Variants in BNC2 observed in about 807,000 individuals in gnomAD.
BNC2 encodes the protein zinc finger protein basonuclin-2.
BNC2 carries 20 observed loss-of-function variants against 76.3 expected under a neutral mutation model. The ratio of observed to expected loss-of-function variants is 0.26; its 90% CI spans 0.18 to 0.38. BNC2 has a LOEUF of 0.38. BNC2 is among the 10% of genes least tolerant of loss of function. BNC2 has a pLI of 1.00. For missense variants in BNC2, 1,382 were observed against 1,399.8 expected (o/e 0.99, Z 0.20); for synonymous variants, 582 against 514.8 (o/e 1.13, Z -1.77).
In BNC2 at chr9:16,411,409, A is replaced by T. The variant is rs567234877; in HGVS notation, c.*7580T>A. ...TCCTTCCCTTCAAAGATTCTTTTTT[A>T]AAAAAGTGAAACAAAGCATTAAAAA... On this transcript the variant is annotated 3_prime_UTR_variant, in exon 7 of 7. Transcript: ENST00000380672. The T allele has an allele frequency of 2.9e-4, 44 of 152,682 alleles. No individual in the cohort carries two copies. The highest frequency in any genetic ancestry group is 9.1e-4 in the African/African-American group (38 of 41,542). 9.5% of individuals were successfully genotyped at this position (152,682 alleles called of 1,614,324 possible). A position where few individuals can be genotyped will look rare whatever the true frequency, so the allele number is the denominator to read the frequency against.
At chr9:16,516,172 G>A (rs1215061861) in intron 5 of BNC2, among the ~76,000 whole-genome samples, 1 of 152,144 alleles carries the variant, frequency 6.6e-6, no homozygotes, top group Non-Finnish European at 1.5e-5. Context: ...CCAGCCCCAG[G>A]CCGCAGGGTT....
In BNC2 at chr9:16,439,211, T is replaced by A. The variant is rs546608782; in HGVS notation, c.670-1687A>T. 2.6e-5 allele frequency among the ~76,000 whole-genome samples: 4 copies of A among 152,192 alleles called. No individual in the cohort carries two copies. The East Asian group carries it at 7.7e-4, about 29-fold the overall frequency. The stretch of plus-strand genomic sequence containing the variant: ...CTTTCCTTTATAAATTACCCAGTCT[T>A]GGGTATGTCTTTATTAGTACATGGG... On this transcript the variant is annotated intron_variant, in intron 5 of 6. Coordinates refer to ENST00000380672, the MANE Select transcript of BNC2 (RefSeq NM_017637.6).
intron 1 of BNC2, among the ~76,000 whole-genome samples, chr9:16,741,144 A>G (rs1824837284): frequency 6.6e-6 from 1 of 152,176 alleles, no homozygotes; most frequent in Non-Finnish European, 1.5e-5. Flanking sequence ...GAGGAGTACT[A>G]GAAGGAAGAA....
intron 1 of BNC2, among the ~76,000 whole-genome samples, chr9:16,748,546 A>T (rs553815237): frequency 2.0e-5 from 3 of 151,222 alleles, no homozygotes; most frequent in Non-Finnish European, 4.4e-5. Flanking sequence ...CAGTAAACAG[A>T]AAAAAAGGAG....
chr9:16,743,911 GT>G (rs565465275), intron 1 of BNC2, among the ~76,000 whole-genome samples: 57 of 152,180 alleles, frequency 3.7e-4, no homozygotes, highest in African/African-American at 1.3e-3. Flanking sequence ...ACTATTCTCG[GT>G]TTTTTTCCCC....
At chr9:16,492,930 T>C (rs952911252) in intron 5 of BNC2, among the ~76,000 whole-genome samples, 4 of 152,150 alleles carry the variant, frequency 2.6e-5, no homozygotes, top group Non-Finnish European at 4.4e-5. Flanking sequence ...ATCACTAAGA[T>C]GAAATTCGTG....
At chr9:16,465,109 C>A (rs913151500) in intron 5 of BNC2, among the ~76,000 whole-genome samples, 1 of 152,158 alleles carries the variant, frequency 6.6e-6, no homozygotes, top group Admixed American at 6.5e-5. Context: ...GCACACAGTG[C>A]CACTCTGGTA....
At chr9:16,774,917 T>A (rs1037572315) in intron 1 of BNC2, among the ~76,000 whole-genome samples, 1 of 152,222 alleles carries the variant, frequency 6.6e-6, no homozygotes, top group Admixed American at 6.5e-5. Flanking sequence ...AATGAAGCGT[T>A]TTTTATTTGT....
At chr9:16,739,296 G>A (rs1366003577) in intron 1 of BNC2, among the ~76,000 whole-genome samples, 1 of 152,166 alleles carries the variant, frequency 6.6e-6, no homozygotes, top group East Asian at 1.9e-4. Flanking sequence ...TCATTATTTT[G>A]CTCCAAGAAG....
At chr9:16,596,767 G>A (rs1055098282) in intron 3 of BNC2, among the ~76,000 whole-genome samples, 1 of 152,128 alleles carries the variant, frequency 6.6e-6, no homozygotes, top group Non-Finnish European at 1.5e-5. Flanking sequence ...CCTTTACCCT[G>A]TGATTGTGAA....
chr9:16,465,454 G>A (rs12340350), intron 5 of BNC2, among the ~76,000 whole-genome samples: 1,958 of 93,962 alleles, frequency 0.021, 56 homozygotes, highest in East Asian at 0.15. Context: ...AAAAAAAAAG[G>A]GTTAATAACC....
chr9:16,585,910 A>C (rs2133095219), intron 3 of BNC2, among the ~76,000 whole-genome samples: 1 of 152,106 alleles, frequency 6.6e-6, no homozygotes, highest in African/African-American at 2.4e-5. Flanking sequence ...TATTCTGTGA[A>C]CTACACACTT....
chr9:16,646,049 G>A (rs1008572383), intron 3 of BNC2, among the ~76,000 whole-genome samples: 1 of 152,196 alleles, frequency 6.6e-6, no homozygotes, highest in Non-Finnish European at 1.5e-5. Flanking sequence ...ATCCTCACTT[G>A]TACACAGCAA....
At chr9:16,516,643 A>G (rs1817452217) in intron 5 of BNC2, among the ~76,000 whole-genome samples, 1 of 152,198 alleles carries the variant, frequency 6.6e-6, no homozygotes, top group South Asian at 2.1e-4. Context: ...AAACTCAGTT[A>G]AATGTGTGCT....
At chr9:16,566,624 G>A (rs568856934) in intron 4 of BNC2, among the ~76,000 whole-genome samples, 100 of 152,186 alleles carry the variant, frequency 6.6e-4, no homozygotes, top group African/African-American at 2.3e-3. Flanking sequence ...TAATTGCAAG[G>A]TACACAGACT....
chr9:16,552,313 C>T (rs907639673), intron 5 of BNC2, among the ~76,000 whole-genome samples: 7 of 152,146 alleles, frequency 4.6e-5, no homozygotes. Context: ...AAAGGTAACG[C>T]AAGTCAAGAG....
chr9:16,441,230 G>A, intron 5 of BNC2, among the ~76,000 whole-genome samples: 1 of 152,196 alleles, frequency 6.6e-6, no homozygotes, highest in Admixed American at 6.5e-5. Flanking sequence ...CTTGAATCCA[G>A]GAGGTTGAAG....
chr9:16,469,442 T>C (rs1821771904), intron 5 of BNC2, among the ~76,000 whole-genome samples: 1 of 152,238 alleles, frequency 6.6e-6, no homozygotes, highest in Non-Finnish European at 1.5e-5. Flanking sequence ...TTGCTGTCAC[T>C]ATGTAAGCAG....
At chr9:16,807,506 T>G (rs894717939) in intron 1 of BNC2, among the ~76,000 whole-genome samples, 1 of 152,100 alleles carries the variant, frequency 6.6e-6, no homozygotes. Flanking sequence ...GAAGTTTTAC[T>G]GGGGAGAAGG....
Sources: gnomAD v4.1 joint callset for allele counts (sites outside exome capture counted in the v4.1 genomes callset) on GRCh38, gnomAD v4.1.1 for gene constraint, MANE v1.5 for transcripts, NCBI Gene and HGNC (gene_info 2026-07-23, HGNC 2026-07-21) for gene names.